Variants in GHITM observed in about 807,000 individuals in gnomAD.
GHITM encodes growth hormone-inducible transmembrane protein.
Under a neutral mutation model 38.7 loss-of-function variants are expected in GHITM, and 24 were observed. That is an observed-to-expected ratio of 0.62 (90% CI 0.45 to 0.87). The LOEUF is 0.87. Ranked by LOEUF, GHITM falls within the 40% of genes least tolerant of loss-of-function variation. GHITM has a pLI of 0.00. For synonymous variants in GHITM, 154 were observed against 147.8 expected, an observed-to-expected ratio of 1.04 and a Z score of -0.30; for missense variants, 420 against 429.8, an observed-to-expected ratio of 0.98 and a Z score of 0.20.
At position 84,148,745 on chromosome 10, in the gene GHITM, T is replaced by C; in HGVS notation, c.499T>C (p.Phe167Leu). The change falls in exon 6 of 9, where the codon TTT becomes CTT. Residue 167 changes from phenylalanine to leucine, a missense_variant. By Grantham distance (22) the Phe-to-Leu change is conservative (BLOSUM62 0). Coordinates refer to ENST00000372134, the MANE Select transcript of GHITM (RefSeq NM_014394.3). ...TGTCTTTCAGACAATTGGTGTGACCTTTGCAGCCATGGTTGGAGCTGGAAT... is the reference window on the plus strand; with the variant it reads ...TGTCTTTCAGACAATTGGTGTGACCCTTGCAGCCATGGTTGGAGCTGGAAT... ...RGSWVTIGVT[F>L]AAMVGAGMLV... The C allele has an allele frequency of 6.2e-7, 1 of 1,610,868 alleles. No individual in the cohort carries two copies. Among genetic ancestry groups the C allele is most frequent in the South Asian group, 1.1e-5 (1 of 91,020 alleles).
chr10:84,139,913 G>C (rs1589273568), intron 1 of GHITM: 1 of 152,560 alleles, frequency 6.6e-6, no homozygotes, highest in South Asian at 2.1e-4. Context: ...GAGGTGTTGT[G>C]GGTTGACAGG....
At chr10:84,147,342 TCA>T in intron 5 of GHITM, among the ~76,000 whole-genome samples, 1 of 152,338 alleles carries the variant, frequency 6.6e-6, no homozygotes, top group East Asian at 1.9e-4. Flanking sequence ...AGTGGTCCTT[TCA>T]CCTCAGCCAC....
At chr10:84,142,862 C>G (rs895002914) in intron 3 of GHITM, 108 bp downstream of exon 3, 6 of 542,018 alleles carry the variant, frequency 1.1e-5, no homozygotes, top group African/African-American at 1.9e-5. Context: ...TCTGGGAAGA[C>G]CACATTATTA....
intron 2 of GHITM, among the ~76,000 whole-genome samples, 192 bp from the exon 3 acceptor site, chr10:84,142,461 GTC>G (rs1161349632): frequency 6.6e-6 from 1 of 152,168 alleles, no homozygotes; most frequent in East Asian, 1.9e-4. Context: ...CACAGGGAAG[GTC>G]TACATTTATT....
chr10:84,150,850 A>G lies in GHITM; in HGVS notation c.923A>G (p.Tyr308Cys). Residue 308 changes from tyrosine (Y) to cysteine (C), a missense_variant, in exon 8 of 9, where the codon TAT becomes TGT. Physicochemically the swap from Tyr to Cys is radical, Grantham distance 194. Coordinates refer to ENST00000372134, the MANE Select transcript of GHITM (RefSeq NM_014394.3). The stretch of plus-strand genomic sequence containing the variant: ...AAGCGTGCAGAAGTATCACCAATGT[A>G]TGGAGTTCAAAAATATGATCCCATT... ...VIKRAEVSPMYGVQKYDPINS... is the reference protein window; with the variant it reads ...VIKRAEVSPMCGVQKYDPINS... 6.2e-7 allele frequency: 1 copy of G among 1,609,810 alleles called. No individual in the cohort carries two copies. Among genetic ancestry groups the G allele is most frequent in the Non-Finnish European group, 8.5e-7 (1 of 1,176,806 alleles).
chr10:84,148,031 T>C (rs1841573236), intron 5 of GHITM, among the ~76,000 whole-genome samples: 3 of 152,146 alleles, frequency 2.0e-5, no homozygotes, highest in Non-Finnish European at 4.4e-5. Flanking sequence ...ATGCTATTTG[T>C]GCTATACAAA....
At position 84,152,397 on chromosome 10, in the gene GHITM, G is replaced by C; in HGVS notation, c.*49G>C. ...TGCTACATCAAATATCTTGTTTAAT[G>C]GGGCAGATATGCATTAAATAGTTTG... On this transcript the variant is annotated 3_prime_UTR_variant, in exon 9 of 9. Transcript: ENST00000372134. 3 of 1,011,610 alleles carry C rather than the reference G, an allele frequency of 3.0e-6. No homozygotes were observed. Among genetic ancestry groups the C allele is most frequent in the Non-Finnish European group, 4.7e-6 (3 of 644,170 alleles). 62.7% of individuals were successfully genotyped at this position (1,011,610 alleles called of 1,614,324 possible). A position where few individuals can be genotyped will look rare whatever the true frequency, so the allele number is the denominator to read the frequency against.
chr10:84,143,937 T>C, intron 3 of GHITM, 58 bp from the exon 4 acceptor site: 1 of 1,094,248 alleles, frequency 9.1e-7, no homozygotes, highest in Non-Finnish European at 1.4e-6. Context: ...GATAAATATT[T>C]TAAAGGCTTT....
rs1841625810 is a variant in GHITM, at chr10:84,152,923, T to C, written c.*575T>C. ...ATTCATCTGCTGAACTTAACAAAAC[T>C]GTTCATCCTGAAACAGGCACAGGTG... On this transcript the variant is annotated 3_prime_UTR_variant, in exon 9 of 9. Coordinates refer to ENST00000372134, the MANE Select transcript of GHITM (RefSeq NM_014394.3). The C allele has an allele frequency of 6.6e-6, 1 of 152,264 alleles. No homozygotes were observed. Among genetic ancestry groups the C allele is most frequent in the Admixed American group, 6.5e-5 (1 of 15,292 alleles). 9.4% of individuals were successfully genotyped at this position (152,264 alleles called of 1,614,324 possible).
chr10:84,141,386 A>T (rs575093538), intron 1 of GHITM, 76 bp from the exon 2 acceptor site: 3 of 810,826 alleles, frequency 3.7e-6, no homozygotes, highest in South Asian at 3.3e-5. Context: ...TGACTCTCAT[A>T]TGTCCTTCTC....
intron 6 of GHITM, among the ~76,000 whole-genome samples, chr10:84,149,577 T>G (rs1385188685): frequency 1.3e-5 from 2 of 152,218 alleles, no homozygotes; most frequent in Admixed American, 1.3e-4. Context: ...ACAACTAAAA[T>G]TACTTATTTA....
intron 7 of GHITM, 124 bp downstream of exon 7, chr10:84,150,367 G>A (rs1841599337): frequency 1.3e-6 from 1 of 786,688 alleles, no homozygotes; most frequent in African/African-American, 1.8e-5. Flanking sequence ...ATGCTAATTT[G>A]ACTGGATTTT....
intron 2 of GHITM, 85 bp downstream of exon 2, chr10:84,141,714 AGT>A: frequency 7.8e-7 from 1 of 1,288,222 alleles, no homozygotes; most frequent in Non-Finnish European, 1.1e-6. Context: ...CTCTGCCTTT[AGT>A]GTGTTATACG....
intron 1 of GHITM, 38 bp from the exon 2 acceptor site, chr10:84,141,424 A>C (rs1841505085): frequency 7.3e-7 from 1 of 1,364,930 alleles, no homozygotes; most frequent in Admixed American, 1.8e-5. Flanking sequence ...TGTTTTACTT[A>C]TGTTTTTTTG....
chr10:84,141,471 T>C lies in GHITM; in HGVS notation c.-30T>C. The C allele has an allele frequency of 3.1e-6, 5 of 1,610,120 alleles. No homozygotes were observed. The highest frequency in any genetic ancestry group is 4.2e-6 in the Non-Finnish European group (5 of 1,177,334). On this transcript the variant is annotated 5_prime_UTR_variant, in exon 2 of 9. Transcript: ENST00000372134. ...CTTTTTTTTAAACTAGCATTTCAGA[T>C]CTGCTCGGTAGACCTGGTGCACCAC... is the stretch of plus-strand genomic sequence containing the variant.
In GHITM at chr10:84,148,800, G is replaced by C; in HGVS notation, c.554G>C (p.Ser185Thr). ...GTACGATCAATACCATATGACCAGAGCCCAGGCCCAAAGCATCTTGCTTGG... is the reference window on the plus strand; with the variant it reads ...GTACGATCAATACCATATGACCAGACCCCAGGCCCAAAGCATCTTGCTTGG... ...MLVRSIPYDQSPGPKHLAWLL... is the reference protein window; with the variant it reads ...MLVRSIPYDQTPGPKHLAWLL... Residue 185 changes from serine to threonine, a missense_variant, in exon 6 of 9, where the codon AGC (serine) becomes ACC (threonine). Physicochemically the swap from Ser to Thr is moderately conservative, Grantham distance 58. Transcript: ENST00000372134. 1 of 1,612,536 alleles carries C rather than the reference G, an allele frequency of 6.2e-7. No homozygotes were observed. Among genetic ancestry groups the C allele is most frequent in the South Asian group, 1.1e-5 (1 of 91,032 alleles).
At position 84,150,097 on chromosome 10, in the gene GHITM, G is replaced by T. The variant is rs749746122; in HGVS notation, c.635G>T (p.Gly212Val). 2.5e-5 allele frequency: 41 copies of T among 1,611,344 alleles called. No individual in the cohort carries two copies. The highest frequency in any genetic ancestry group is 2.5e-5 in the Non-Finnish European group (29 of 1,178,236). ...GTGGCTCCTCTGACAATATTAGGGGGTCCTCTTCTCATCAGAGCTGCATGG... is the reference window on the plus strand; with the variant it reads ...GTGGCTCCTCTGACAATATTAGGGGTTCCTCTTCTCATCAGAGCTGCATGG... ...AVVAPLTILG[G>V]PLLIRAAWYT... Residue 212 changes from glycine to valine, a missense_variant, in exon 7 of 9, where the codon GGT (glycine) becomes GTT (valine). Coordinates refer to ENST00000372134, the MANE Select transcript of GHITM (RefSeq NM_014394.3).
chr10:84,152,272 G>T lies in GHITM; in HGVS notation c.962G>T (p.Ser321Ile), dbSNP rs760026504. The T allele has an allele frequency of 1.7e-5, 26 of 1,562,676 alleles. No homozygotes were observed. The Admixed American group carries it at 2.1e-4, about 12-fold the overall frequency. Residue 321 changes from serine to isoleucine, a missense_variant, in exon 9 of 9, where the codon AGT becomes ATT. Physicochemically the swap from Ser to Ile is moderately radical, Grantham distance 142. Transcript: ENST00000372134. ...QKYDPINSML[S>I]IYMDTLNIFM... ...ATAATTTTCTTTTCTAGGATGCTGA[G>T]TATCTACATGGATACATTAAATATA...
chr10:84,141,635 G>T lies in GHITM; in HGVS notation c.129+6G>T. ...GGCTGTTAACACCTAGCAGGGTAAAGATAATCTGAATGTTTTTATATTGCT... is the reference window on the plus strand; with the variant it reads ...GGCTGTTAACACCTAGCAGGGTAAATATAATCTGAATGTTTTTATATTGCT... On this transcript the variant is annotated splice_donor_region_variant and intron_variant, in intron 2 of 8. Transcript: ENST00000372134. 6.2e-7 allele frequency: 1 copy of T among 1,613,514 alleles called. No homozygotes were observed. The highest frequency in any genetic ancestry group is 8.5e-7 in the Non-Finnish European group (1 of 1,179,478).
Sources: allele counts gnomAD v4.1 joint callset (sites outside exome capture counted in the v4.1 genomes callset), GRCh38; gene constraint gnomAD v4.1.1; transcripts MANE v1.5; gene names NCBI Gene and HGNC (gene_info 2026-07-23, HGNC 2026-07-21).